The following CREB3L3 variants were observed in gnomAD, a reference collection of about 807,000 sequenced individuals.
The protein encoded by CREB3L3 is cAMP responsive element binding protein 3 like 3.
Under a neutral mutation model 44.6 loss-of-function variants are expected in CREB3L3, and 40 were observed. The observed-to-expected ratio is 0.90, with a 90% CI of 0.70 to 1.17. The LOEUF (loss-of-function observed/expected upper bound fraction) is 1.17. Among genes scored for constraint, CREB3L3 ranks in the 50% most tolerant of loss-of-function variants. The pLI is 0.00. For synonymous variants in CREB3L3, 273 were observed against 256.3 expected, an observed-to-expected ratio of 1.06 and a Z score of -0.62; for missense variants, 578 against 595.8, an observed-to-expected ratio of 0.97 and a Z score of 0.31.
chr19:4,167,335 C>CGAGA lies in CREB3L3; in HGVS notation c.715-1016_715-1015insGAGA, dbSNP rs1568283603. On this transcript the variant is annotated intron_variant, in intron 5 of 9. Coordinates refer to ENST00000078445, the MANE Select transcript of CREB3L3 (RefSeq NM_032607.3). ...TCCAGCCTGGGTGACAAGAGCGAAA[C>CGAGA]AAGAAAGAAAGAAAGAAAGAGAGAG... 2.9e-4 allele frequency among the ~76,000 whole-genome samples: 34 copies of CGAGA among 116,148 alleles called. No individual in the cohort carries two copies. The South Asian group carries it at 9.6e-3, about 33-fold the overall frequency. The allele number at this position is 116,148 out of a possible 152,430, so 76.2% of individuals were successfully genotyped here.
chr19:4,167,437 G>GA (rs199703581), intron 5 of CREB3L3, among the ~76,000 whole-genome samples: 1 of 82,692 alleles, frequency 1.2e-5, no homozygotes, highest in Non-Finnish European at 3.5e-5. Context: ...AGAAAGAAAG[G>GA]AAAGAAAGAA....
chr19:4,161,300 A>T (rs527573446), intron 4 of CREB3L3, among the ~76,000 whole-genome samples: 7 of 151,644 alleles, frequency 4.6e-5, no homozygotes, highest in African/African-American at 1.7e-4. Context: ...TTTTCTGTAG[A>T]TATGGGTCTT....
chr19:4,163,873 G>C (rs1454812628), intron 4 of CREB3L3, among the ~76,000 whole-genome samples: 1 of 138,628 alleles, frequency 7.2e-6, no homozygotes, highest in African/African-American at 2.7e-5. Context: ...GGTGTGATCT[G>C]GGCTCACTGG....
chr19:4,157,374 G>A, intron 3 of CREB3L3, 79 bp downstream of exon 3: 3 of 1,507,100 alleles, frequency 2.0e-6, no homozygotes, highest in Non-Finnish European at 2.8e-6. Context: ...TGGAGGCCCA[G>A]AGAGGGCTGG....
At chr19:4,158,205 A>T (rs2145121798) in intron 3 of CREB3L3, among the ~76,000 whole-genome samples, 1 of 152,112 alleles carries the variant, frequency 6.6e-6, no homozygotes, top group South Asian at 2.1e-4. Context: ...AGTTGACAAA[A>T]CTGAGGCTCA....
intron 5 of CREB3L3, among the ~76,000 whole-genome samples, chr19:4,166,625 G>A (rs1966912817): frequency 6.6e-6 from 1 of 151,072 alleles, no homozygotes; most frequent in South Asian, 2.1e-4. Context: ...CAAACTCCTG[G>A]CCTCAAGCAG....
At chr19:4,166,093 T>C (rs1966899049) in intron 5 of CREB3L3, among the ~76,000 whole-genome samples, 1 of 151,700 alleles carries the variant, frequency 6.6e-6, no homozygotes, top group Non-Finnish European at 1.5e-5. Flanking sequence ...ATCTGTTTTT[T>C]TTTTTTTTCT....
At chr19:4,165,310 G>C (rs141304143) in intron 5 of CREB3L3, among the ~76,000 whole-genome samples, 125 of 151,616 alleles carry the variant, frequency 8.2e-4, no homozygotes, top group Middle Eastern at 3.4e-3. Flanking sequence ...TAGGATGACA[G>C]GTGCACGCCA....
At chr19:4,170,258 T>C in intron 7 of CREB3L3, 50 bp downstream of exon 7, 6 of 1,570,058 alleles carry the variant, frequency 3.8e-6, no homozygotes, top group Non-Finnish European at 4.4e-6. Context: ...AGCCCCAGAG[T>C]CCCTTTGCAG....
chr19:4,155,365 T>C (rs1210706335), intron 2 of CREB3L3, among the ~76,000 whole-genome samples: 26 of 97,050 alleles, frequency 2.7e-4, no homozygotes, highest in Admixed American at 2.3e-3. Flanking sequence ...TTTCTTCTTC[T>C]TTTTTTTTTT....
rs779174102 is a variant in CREB3L3, at chr19:4,155,067, C to A, written c.156+40C>A. 5 of 1,599,520 alleles carry A rather than the reference C, an allele frequency of 3.1e-6. No homozygotes were observed. The Admixed American group carries it at 8.3e-5, about 27-fold the overall frequency. ...GCAGTTGCCCCGGGACCACAGAGCT[C>A]CAGGCGGGCCAACTGAGGCCCCACG... On this transcript the variant is annotated intron_variant, in intron 2 of 9. Transcript: ENST00000078445.
At position 4,163,797 on chromosome 19, in the gene CREB3L3, GCCACCTTTT is replaced by G. The variant is rs981380160; in HGVS notation, c.577-704_577-696del. On this transcript the variant is annotated intron_variant, in intron 4 of 9. Transcript: ENST00000078445. Reference sequence around the variant, plus strand: ...CAAAGTGCTGGGACTACAGACGTGAGCCACCTTTTCTTTTTTTTTTTTTTTGAGACAGAG... The same window carrying G: ...CAAAGTGCTGGGACTACAGACGTGAGCTTTTTTTTTTTTTTTGAGACAGAG... Among the ~76,000 whole-genome samples the G allele has an allele frequency of 2.7e-5, 4 of 149,058 alleles. No individual in the cohort carries two copies. In the South Asian group the frequency reaches 8.5e-4, roughly 32 times the overall value.
Position 4,172,765 on chromosome 19 carries a change from A to T in CREB3L3, c.*796A>T, listed in dbSNP as rs1241170881. 1 of 200,226 alleles carries T rather than the reference A, an allele frequency of 5.0e-6. No individual in the cohort carries two copies. The highest frequency in any genetic ancestry group is 2.4e-5 in the African/African-American group (1 of 41,902). The allele number at this position is 200,226 out of a possible 1,614,324, so 12.4% of individuals were successfully genotyped here. On this transcript the variant is annotated 3_prime_UTR_variant, in exon 10 of 10. Transcript: ENST00000078445. ...CCGACGCAGCCTGAAAGAGACCCAG[A>T]CAGAGAGACAGGCAGACACAGCCTA...
chr19:4,155,868 T>C (rs350876), intron 2 of CREB3L3, among the ~76,000 whole-genome samples: 121,774 of 151,296 alleles, frequency 0.8, 49,689 homozygotes, highest in African/African-American at 0.94. Flanking sequence ...CTACCTCAAC[T>C]TCCCGAGTAG....
Position 4,153,714 on chromosome 19 carries a change from C to A in CREB3L3, c.-34C>A. On this transcript the variant is annotated 5_prime_UTR_variant, in exon 1 of 10. Coordinates refer to ENST00000078445, the MANE Select transcript of CREB3L3 (RefSeq NM_032607.3). ...GGCCTCCAGCTTGGAGCAGAGACCC[C>A]CCGAGGCATCTGCAGACAGAACTGG... The A allele has an allele frequency of 3.7e-6, 6 of 1,613,830 alleles. No individual in the cohort carries two copies. Among genetic ancestry groups the A allele is most frequent in the Non-Finnish European group, 5.1e-6 (6 of 1,179,922 alleles).
chr19:4,167,819 G>A (rs1966950660), intron 5 of CREB3L3, among the ~76,000 whole-genome samples: 1 of 151,984 alleles, frequency 6.6e-6, no homozygotes. Context: ...CAAGTCATTA[G>A]GAATCTGCCT....
Position 4,153,647 on chromosome 19 carries a change from G to T in CREB3L3, c.-101G>T, listed in dbSNP as rs2041536732. 4.2e-6 allele frequency: 6 copies of T among 1,423,974 alleles called. No individual in the cohort carries two copies. Among genetic ancestry groups the T allele is most frequent in the Non-Finnish European group, 5.9e-6 (6 of 1,016,192 alleles). 88.2% of individuals were successfully genotyped at this position (1,423,974 alleles called of 1,614,324 possible). On this transcript the variant is annotated 5_prime_UTR_variant, in exon 1 of 10. Transcript: ENST00000078445. ...GGGAGTGGTGACAGAGCCACAGAGG[G>T]CTGTGAGCTTGCCCGGCCCCAGGTA...
chr19:4,164,458 T>G (rs374632778), intron 4 of CREB3L3, 45 bp from the exon 5 acceptor site: 4 of 1,612,284 alleles, frequency 2.5e-6, no homozygotes, highest in Non-Finnish European at 3.4e-6. Context: ...CTGAAGGCAG[T>G]TGGCGTCCCT....
intron 6 of CREB3L3, among the ~76,000 whole-genome samples, chr19:4,169,694 C>G (rs921398694): frequency 6.7e-6 from 1 of 148,378 alleles, no homozygotes; most frequent in African/African-American, 2.5e-5. Context: ...CGGGTTCAAT[C>G]GATTCTCCTG....
Sources: allele counts gnomAD v4.1 joint callset (sites outside exome capture counted in the v4.1 genomes callset), GRCh38; gene constraint gnomAD v4.1.1; transcripts MANE v1.5; gene names NCBI Gene and HGNC (gene_info 2026-07-23, HGNC 2026-07-21).